Variants in LARGE1 observed in about 807,000 individuals in gnomAD.
LARGE1 encodes the protein xylosyl- and glucuronyltransferase LARGE1.
LARGE1 carries 43 observed loss-of-function variants against 87.6 expected under a neutral mutation model. That is an observed-to-expected ratio of 0.49 (90% CI 0.38 to 0.63). LARGE1 has a LOEUF of 0.63. LARGE1 is among the 30% of genes least tolerant of loss of function. LARGE1 has a pLI of 0.00. For missense variants in LARGE1, 802 were observed against 1,000.2 expected, an observed-to-expected ratio of 0.80 and a Z score of 2.67; for synonymous variants, 434 against 394.6, an observed-to-expected ratio of 1.10 and a Z score of -1.18.
chr22:33,382,175 G>A (rs536603219), intron 8 of LARGE1, 131 bp from the exon 9 acceptor site: 8 of 1,088,284 alleles, frequency 7.4e-6, no homozygotes, highest in Middle Eastern at 2.3e-4. Flanking sequence ...AGGCTGGCTC[G>A]CACTGTGAGG....
the LARGE1 span, among the ~76,000 whole-genome samples, chr22:33,068,228 T>G: frequency 1.3e-5 from 2 of 152,186 alleles, no homozygotes; most frequent in East Asian, 3.8e-4. Context: ...GCAGGTGGCA[T>G]TTTAATCCCT....
Position 33,633,398 on chromosome 22 carries a change from C to T in LARGE1, c.409-7072G>A, listed in dbSNP as rs12159444. 2.7e-3 allele frequency among the ~76,000 whole-genome samples: 415 copies of T among 152,294 alleles called. 6 individuals carry two copies. Among genetic ancestry groups the T allele is most frequent in the African/African-American group, 9.7e-3 (402 of 41,552 alleles). On this transcript the variant is annotated intron_variant, in intron 3 of 14. Transcript: ENST00000397394. ...CCTGGACTTGTGACTCTTTGCTTGT[C>T]AGCCTCCATGAAAACCTGAAACATA...
In LARGE1 at chr22:33,333,334, A is replaced by G. The variant is rs117528579; in HGVS notation, c.1287+4312T>C. Among the ~76,000 whole-genome samples the G allele has an allele frequency of 1.8e-4, 28 of 152,184 alleles. No individual in the cohort carries two copies. The East Asian group carries it at 4.6e-3, about 25-fold the overall frequency. ...TGCTGGGCCGGGGCAATGTCCTTTA[A>G]GTGGTCCCTCCAGTTTTGTCTTTTT... On this transcript the variant is annotated intron_variant, in intron 10 of 14. Transcript: ENST00000397394.
At chr22:33,827,132 G>A (rs2062817434) in intron 1 of LARGE1, among the ~76,000 whole-genome samples, 1 of 152,000 alleles carries the variant, frequency 6.6e-6, no homozygotes, top group Admixed American at 6.6e-5. Context: ...GGAGGCCGAG[G>A]CGGGCAGATC....
chr22:33,665,618 C>T (rs907067187), intron 2 of LARGE1, among the ~76,000 whole-genome samples: 1 of 152,122 alleles, frequency 6.6e-6, no homozygotes, highest in Admixed American at 6.6e-5. Context: ...CAGGGCTGCG[C>T]GCGGTGGCTC....
intron 7 of LARGE1, among the ~76,000 whole-genome samples, chr22:33,400,384 G>C (rs2065892204): frequency 6.6e-6 from 1 of 152,186 alleles, no homozygotes; most frequent in African/African-American, 2.4e-5. Flanking sequence ...CAGCACTGCA[G>C]AGCCATCTGG....
chr22:33,649,678 T>C (rs535668230), intron 3 of LARGE1, among the ~76,000 whole-genome samples: 7 of 152,304 alleles, frequency 4.6e-5, no homozygotes, highest in Admixed American at 4.6e-4. Flanking sequence ...TCAAAAGGCC[T>C]TCCTATGAAT....
chr22:33,794,982 C>T (rs1002915123), intron 1 of LARGE1, among the ~76,000 whole-genome samples: 12 of 152,134 alleles, frequency 7.9e-5, no homozygotes, highest in African/African-American at 2.9e-4. Context: ...GGCCAAACTC[C>T]CTCAGAGGAT....
chr22:33,767,874 T>A (rs1436203431), intron 1 of LARGE1, among the ~76,000 whole-genome samples: 1 of 152,252 alleles, frequency 6.6e-6, no homozygotes, highest in Non-Finnish European at 1.5e-5. Context: ...GTGGGAGGAT[T>A]TGGACCACTG....
intron 10 of LARGE1, among the ~76,000 whole-genome samples, chr22:33,334,429 A>AC (rs1425211377): frequency 5.9e-5 from 9 of 151,324 alleles, no homozygotes; most frequent in African/African-American, 2.2e-4. Flanking sequence ...AAAACAAAAA[A>AC]AAAAAACACC....
At chr22:33,163,959 T>A (rs550461601) in exon 12 of LARGE1, 1 of 152,324 alleles carries the variant, frequency 6.6e-6, no homozygotes, top group South Asian at 2.1e-4. Flanking sequence ...GGCTTGAGTG[T>A]CCTTGAGAAA....
At chr22:33,167,334 T>C (rs1206663194) in intron 11 of LARGE1, among the ~76,000 whole-genome samples, 1 of 152,232 alleles carries the variant, frequency 6.6e-6, no homozygotes, top group Non-Finnish European at 1.5e-5. Context: ...GGAAAGCACA[T>C]ATCCCAGAGA....
chr22:33,399,680 C>T (rs1306189941), intron 7 of LARGE1, among the ~76,000 whole-genome samples: 1 of 152,152 alleles, frequency 6.6e-6, no homozygotes, highest in East Asian at 1.9e-4. Flanking sequence ...TCCTGAGTAG[C>T]TGGGACTACA....
intron 10 of LARGE1, among the ~76,000 whole-genome samples, chr22:33,318,832 G>T (rs1260258539): frequency 6.6e-6 from 1 of 151,616 alleles, no homozygotes; most frequent in Non-Finnish European, 1.5e-5. Context: ...TCTATCACAC[G>T]ATAGAATACA....
chr22:33,893,140 A>G (rs1459948305), intron 1 of LARGE1, among the ~76,000 whole-genome samples: 2 of 152,262 alleles, frequency 1.3e-5, no homozygotes, highest in Admixed American at 1.3e-4. Context: ...TTTAGAACAC[A>G]TAAAAGACTA....
chr22:33,419,924 C>T (rs555992400), intron 7 of LARGE1, among the ~76,000 whole-genome samples: 56 of 152,222 alleles, frequency 3.7e-4, no homozygotes, highest in African/African-American at 1.3e-3. Flanking sequence ...GAACTCCTGA[C>T]CTCAAGTGAT....
At chr22:33,783,027 C>T (rs1195493342) in intron 1 of LARGE1, among the ~76,000 whole-genome samples, 2 of 151,960 alleles carry the variant, frequency 1.3e-5, no homozygotes, top group Non-Finnish European at 2.9e-5. Flanking sequence ...CATTGTAATG[C>T]TGTGACACAA....
At chr22:33,192,446 C>T (rs1274890218) in intron 11 of LARGE1, among the ~76,000 whole-genome samples, 2 of 152,048 alleles carry the variant, frequency 1.3e-5, no homozygotes, top group Non-Finnish European at 2.9e-5. Flanking sequence ...TTTTCACAAA[C>T]CTGTTGGCCA....
At chr22:33,921,227 G>A (rs1450141384), upstream of LARGE1, among the ~76,000 whole-genome samples, 1 of 152,140 alleles carries the variant, frequency 6.6e-6, no homozygotes, top group Admixed American at 6.5e-5. This position sits in a 1 kb window ranked among gnomAD's most constrained non-coding sequence, Gnocchi z 4.1. Context: ...TCAGCTCGCT[G>A]GCTGGCAGGC....
Sources: allele counts gnomAD v4.1 joint callset (sites outside exome capture counted in the v4.1 genomes callset), GRCh38; gene constraint gnomAD v4.1.1; non-coding constraint Gnocchi (gnomAD v3.1); transcripts MANE v1.5; gene names NCBI Gene and HGNC (gene_info 2026-07-23, HGNC 2026-07-21).